DLG1: variants seen among roughly 807,000 people sequenced by gnomAD.
The protein encoded by DLG1 is disks large homolog 1.
Under a neutral mutation model 123.4 loss-of-function variants are expected in DLG1, and 42 were observed. That is an observed-to-expected ratio of 0.34 (90% CI 0.27 to 0.44). The LOEUF (loss-of-function observed/expected upper bound fraction) is 0.44. Among genes scored for constraint, DLG1 ranks in the 20% least tolerant of loss-of-function variants. The pLI, the probability that DLG1 is intolerant of heterozygous loss-of-function variation, is 1.00. For synonymous variants in DLG1, 317 were observed against 356.2 expected (o/e 0.89, Z 1.24); for missense variants, 942 against 1,082.6 (o/e 0.87, Z 1.82).
intron 16 of DLG1, among the ~76,000 whole-genome samples, chr3:197,083,959 C>T (rs1169886193): frequency 6.6e-6 from 1 of 152,012 alleles, no homozygotes; most frequent in Non-Finnish European, 1.5e-5. Flanking sequence ...GGCGACAGAG[C>T]AAGACCTTGT....
At chr3:197,198,725 G>T (rs977508316) in intron 4 of DLG1, among the ~76,000 whole-genome samples, 6 of 152,026 alleles carry the variant, frequency 3.9e-5, no homozygotes, top group Admixed American at 3.9e-4. Flanking sequence ...CCCATAATGA[G>T]ATACTACTTC....
chr3:197,258,532 C>A (rs1242959849), intron 4 of DLG1, among the ~76,000 whole-genome samples: 1 of 151,562 alleles, frequency 6.6e-6, no homozygotes, highest in Non-Finnish European at 1.5e-5. Flanking sequence ...ACGTGCCTAC[C>A]TAGTTCACCG....
At chr3:197,266,492 GC>G (rs1761749956) in intron 4 of DLG1, among the ~76,000 whole-genome samples, 1 of 151,950 alleles carries the variant, frequency 6.6e-6, no homozygotes, top group African/African-American at 2.4e-5. Context: ...TACATGTGTA[GC>G]CCCAGGTACT....
At chr3:197,224,663 A>C (rs1357335852) in intron 4 of DLG1, among the ~76,000 whole-genome samples, 1 of 152,200 alleles carries the variant, frequency 6.6e-6, no homozygotes, top group Non-Finnish European at 1.5e-5. Flanking sequence ...AAAATTTCTG[A>C]AATCTCAGTA....
At chr3:197,297,717 G>C (rs1041361157) in intron 1 of DLG1, 341 of 987,470 alleles carry the variant, frequency 3.5e-4, no homozygotes, top group South Asian at 8.8e-4. Flanking sequence ...GCGGGGGCCG[G>C]ACAGGGCAGC....
chr3:197,226,042 T>G (rs1739731359), intron 4 of DLG1: 1 of 152,486 alleles, frequency 6.6e-6, no homozygotes, highest in Non-Finnish European at 1.5e-5. Flanking sequence ...CTGACTGTCT[T>G]GAACATTTAA....
chr3:197,288,719 C>CA lies in DLG1; in HGVS notation c.152-5875dup, dbSNP rs1214430122. 2.8e-3 allele frequency among the ~76,000 whole-genome samples: 176 copies of CA among 61,918 alleles called. 4 individuals are homozygous for CA. Among genetic ancestry groups the CA allele is most frequent in the East Asian group, 6.3e-3 (9 of 1,440 alleles). 40.6% of individuals were successfully genotyped at this position (61,918 alleles called of 152,430 possible). On this transcript the variant is annotated intron_variant, in intron 3 of 24. Coordinates refer to ENST00000667157, the MANE Select transcript of DLG1 (RefSeq NM_001366207.1). Reference sequence around the variant, plus strand: ...CTGGGCAACAAGAGTGAAACTGTCTCAAAAAAAAAAAAAAAAAAAAAAAAA... The same window carrying CA: ...CTGGGCAACAAGAGTGAAACTGTCTCAAAAAAAAAAAAAAAAAAAAAAAAAA...
intron 24 of DLG1, among the ~76,000 whole-genome samples, chr3:197,050,105 C>T (rs543409208): frequency 2.6e-5 from 4 of 152,102 alleles, no homozygotes; most frequent in Non-Finnish European, 2.9e-5. Flanking sequence ...CGGTGGCTCA[C>T]GCCTGTAATC....
intron 16 of DLG1, among the ~76,000 whole-genome samples, chr3:197,082,580 A>AT (rs1751830644): frequency 6.6e-6 from 1 of 152,182 alleles, no homozygotes; most frequent in Admixed American, 6.5e-5. Flanking sequence ...TAAATTGTCT[A>AT]TATTTGTAAA....
intron 5 of DLG1, among the ~76,000 whole-genome samples, chr3:197,175,255 A>C (rs1806399706): frequency 6.6e-6 from 1 of 152,196 alleles, no homozygotes; most frequent in Non-Finnish European, 1.5e-5. Flanking sequence ...AACTATTTTT[A>C]CCTTTATCAA....
chr3:197,125,888 C>G (rs1452267717), intron 11 of DLG1, among the ~76,000 whole-genome samples: 1 of 152,122 alleles, frequency 6.6e-6, no homozygotes, highest in Non-Finnish European at 1.5e-5. Flanking sequence ...ATCACCACAG[C>G]CAGGGATAGA....
chr3:197,241,095 TATA>T (rs1748613838), intron 4 of DLG1, among the ~76,000 whole-genome samples: 1 of 151,916 alleles, frequency 6.6e-6, no homozygotes, highest in Non-Finnish European at 1.5e-5. Flanking sequence ...CCCAAAGGCA[TATA>T]ATAATCAAAT....
At chr3:197,055,894 T>C (rs578131422) in intron 23 of DLG1, among the ~76,000 whole-genome samples, 99 of 152,324 alleles carry the variant, frequency 6.5e-4, no homozygotes, top group Non-Finnish European at 1.1e-3. Context: ...TGCACCTCCA[T>C]GATCAGAAGC....
intron 13 of DLG1, among the ~76,000 whole-genome samples, chr3:197,110,309 C>T (rs1197171652): frequency 6.6e-6 from 1 of 152,162 alleles, no homozygotes; most frequent in Non-Finnish European, 1.5e-5. Context: ...ATTTAAGTTA[C>T]TGTACTTTCC....
chr3:197,183,591 G>A lies in DLG1; in HGVS notation c.483+10834C>T, dbSNP rs575404686. On this transcript the variant is annotated intron_variant, in intron 5 of 24. Transcript: ENST00000667157. ...GTATGTTACCTGGGTGGAGCTGGTG[G>A]CTACCGAGATGCAGTCAATAAAGCT... 2.1e-4 allele frequency: 329 copies of A among 1,550,354 alleles called. 1 individual carries two copies. The African/African-American group carries it at 4.1e-3, about 19-fold the overall frequency.
Position 197,073,878 on chromosome 3 carries a change from CTTTTTTGGGTTCTTT to C in DLG1, c.2005+2693_2005+2707del, listed in dbSNP as rs1185093777. ...CGGTTCTCTGGAATAACTTAACCTT[CTTTTTTGGGTTCTTT>C]TTGAGTTTTGTTCCAATAAGGCCTG... On this transcript the variant is annotated intron_variant, in intron 18 of 24. Coordinates refer to ENST00000667157, the MANE Select transcript of DLG1 (RefSeq NM_001366207.1). 7.9e-5 allele frequency among the ~76,000 whole-genome samples: 12 copies of C among 151,948 alleles called. No individual in the cohort carries two copies. In the East Asian group the frequency reaches 2.3e-3, roughly 29 times the overall value.
intron 18 of DLG1, chr3:197,071,135 A>T (rs746254699): frequency 2.6e-5 from 4 of 152,212 alleles, no homozygotes; most frequent in Non-Finnish European, 5.9e-5. Context: ...ACATTAAAAA[A>T]AGAGTTATTC....
chr3:197,098,275 T>C (rs1370766501), intron 14 of DLG1, among the ~76,000 whole-genome samples: 2 of 152,242 alleles, frequency 1.3e-5, no homozygotes. Flanking sequence ...TTTGCTGATC[T>C]GATTAATAGA....
chr3:197,287,474 A>G (rs1772439083), intron 3 of DLG1, among the ~76,000 whole-genome samples: 1 of 152,190 alleles, frequency 6.6e-6, no homozygotes, highest in Non-Finnish European at 1.5e-5. Flanking sequence ...AGAAAGCAGT[A>G]TATTGATAAA....
Sources: allele counts gnomAD v4.1 joint callset (sites outside exome capture counted in the v4.1 genomes callset), GRCh38; gene constraint gnomAD v4.1.1; transcripts MANE v1.5; gene names NCBI Gene and HGNC (gene_info 2026-07-23, HGNC 2026-07-21).